STPG4: variants seen among roughly 807,000 people sequenced by gnomAD.
The protein encoded by STPG4 is sperm-tail PG-rich repeat containing 4, also known as protein STPG4.
STPG4 carries 41 observed loss-of-function variants against 31.5 expected under a neutral mutation model. That is an observed-to-expected ratio of 1.30 (90% CI 1.01 to 1.69). STPG4 has a LOEUF of 1.69. Among genes scored for constraint, STPG4 ranks in the 40% most tolerant of loss-of-function variants. The pLI is 0.00. For missense variants in STPG4, 375 were observed against 293.4 expected, an observed-to-expected ratio of 1.28 and a Z score of -2.03; for synonymous variants, 141 against 103.0, an observed-to-expected ratio of 1.37 and a Z score of -2.24.
chr2:47,111,015 T>A (rs1298076124), intron 5 of STPG4, among the ~76,000 whole-genome samples: 2 of 152,344 alleles, frequency 1.3e-5, no homozygotes, highest in Admixed American at 6.5e-5. Flanking sequence ...CATATCTTTG[T>A]ATAGGTGAAT....
At chr2:47,113,500 T>C (rs1413707876) in intron 5 of STPG4, among the ~76,000 whole-genome samples, 1 of 151,966 alleles carries the variant, frequency 6.6e-6, no homozygotes, top group African/African-American at 2.4e-5. Flanking sequence ...ATCAAACATA[T>C]TAAAACAACT....
intron 5 of STPG4, among the ~76,000 whole-genome samples, chr2:47,093,304 C>T (rs985212511): frequency 2.6e-5 from 4 of 152,164 alleles, no homozygotes; most frequent in Non-Finnish European, 4.4e-5. Flanking sequence ...CTGATGTATA[C>T]GTGTGACAGA....
intron 3 of STPG4, among the ~76,000 whole-genome samples, chr2:47,134,153 C>A (rs13025451): frequency 0.41 from 62,013 of 151,984 alleles, 14,541 homozygotes; most frequent in East Asian, 0.7. Context: ...ACATGCGTAA[C>A]CTCCATTATC....
chr2:47,143,019 T>C (rs1399205407), intron 3 of STPG4, among the ~76,000 whole-genome samples: 1 of 151,954 alleles, frequency 6.6e-6, no homozygotes, highest in Non-Finnish European at 1.5e-5. Flanking sequence ...TTTGTATTTT[T>C]AGTAGAGATG....
At chr2:47,101,328 T>A (rs1001482405) in intron 5 of STPG4, among the ~76,000 whole-genome samples, 1 of 151,630 alleles carries the variant, frequency 6.6e-6, no homozygotes, top group Non-Finnish European at 1.5e-5. Context: ...AGCCGAGGGT[T>A]GACAGAGAGG....
intron 5 of STPG4, among the ~76,000 whole-genome samples, chr2:47,092,394 G>A (rs1685585494): frequency 6.6e-6 from 1 of 150,756 alleles, no homozygotes; most frequent in Admixed American, 6.6e-5. Context: ...CAGTTGTGGG[G>A]GTGTGTTCCT....
intron 3 of STPG4, among the ~76,000 whole-genome samples, chr2:47,145,286 G>A (rs726117): frequency 0.44 from 66,448 of 151,964 alleles, 15,359 homozygotes; most frequent in East Asian, 0.72. Flanking sequence ...ATACCCACTG[G>A]AATTTGAGAC....
chr2:47,094,397 G>A (rs967887378), intron 5 of STPG4, among the ~76,000 whole-genome samples: 1 of 152,076 alleles, frequency 6.6e-6, no homozygotes, highest in East Asian at 1.9e-4. Context: ...CCTCAGCTCT[G>A]GTACATGATT....
chr2:47,116,265 T>A (rs1219923753), intron 5 of STPG4, among the ~76,000 whole-genome samples: 2 of 152,224 alleles, frequency 1.3e-5, no homozygotes, highest in Non-Finnish European at 2.9e-5. Context: ...TAGGGCTCCC[T>A]GCAGATCTAA....
Position 47,117,344 on chromosome 2 carries a change from G to C in STPG4, c.519+12597C>G, listed in dbSNP as rs192216631. On this transcript the variant is annotated intron_variant, in intron 5 of 6. Transcript: ENST00000445927. ...CCTGCCTCACCCTCCCGAGTAGCTGGGATTAGAGGCATGCACCACCACACC... is the reference window on the plus strand; with the variant it reads ...CCTGCCTCACCCTCCCGAGTAGCTGCGATTAGAGGCATGCACCACCACACC... Among the ~76,000 whole-genome samples the C allele has an allele frequency of 2.1e-3, 322 of 152,194 alleles. 1 individual carries two copies. The highest frequency in any genetic ancestry group is 6.4e-3 in the African/African-American group (264 of 41,502).
intron 5 of STPG4, among the ~76,000 whole-genome samples, chr2:47,120,041 G>A (rs769499031): frequency 6.6e-6 from 1 of 152,088 alleles, no homozygotes; most frequent in Non-Finnish European, 1.5e-5. Flanking sequence ...TTTAAAAATT[G>A]GGGGCCAGGC....
intron 5 of STPG4, among the ~76,000 whole-genome samples, chr2:47,094,687 A>G (rs968592536): frequency 6.6e-6 from 1 of 152,172 alleles, no homozygotes; most frequent in African/African-American, 2.4e-5. Context: ...ATGCCAAACC[A>G]GGCTCTGGTG....
intron 5 of STPG4, among the ~76,000 whole-genome samples, chr2:47,099,948 T>A (rs1266644249): frequency 6.6e-6 from 1 of 152,156 alleles, no homozygotes; most frequent in Non-Finnish European, 1.5e-5. Context: ...AGTTTCTCGC[T>A]GGGTCTTAGC....
At chr2:47,132,393 C>G (rs1686503740) in intron 3 of STPG4, among the ~76,000 whole-genome samples, 2 of 152,180 alleles carry the variant, frequency 1.3e-5, no homozygotes, top group Non-Finnish European at 2.9e-5. Flanking sequence ...GCATCTACCT[C>G]CCAGCACTCG....
intron 5 of STPG4, among the ~76,000 whole-genome samples, chr2:47,119,758 G>A (rs1026485724): frequency 6.6e-6 from 1 of 152,206 alleles, no homozygotes; most frequent in Admixed American, 6.5e-5. Flanking sequence ...GTAGAAAACG[G>A]GAAGGCATTT....
At chr2:47,100,019 T>C (rs1685759092) in intron 5 of STPG4, among the ~76,000 whole-genome samples, 1 of 152,072 alleles carries the variant, frequency 6.6e-6, no homozygotes, top group African/African-American at 2.4e-5. Flanking sequence ...CTCCCACCCC[T>C]TCCATGGGCT....
In STPG4 at chr2:47,127,759, G is replaced by A. The variant is rs192432992; in HGVS notation, c.519+2182C>T. ...TCTCTGTGTCATCTTAAATTTTGTT[G>A]CACTTTGTCAAAACAGCTATTTTGA... On this transcript the variant is annotated intron_variant, in intron 5 of 6. Transcript: ENST00000445927. 2.0e-5 allele frequency among the ~76,000 whole-genome samples: 3 copies of A among 152,096 alleles called. No homozygotes were observed. In the East Asian group the frequency reaches 5.8e-4, roughly 29 times the overall value.
rs1013543606 is a variant in STPG4, at chr2:47,141,279, C to T, written c.399+9979G>A. On this transcript the variant is annotated intron_variant, in intron 3 of 6. Transcript: ENST00000445927. Reference sequence around the variant, plus strand: ...ATATGGAAACATTACTGACTCACTGCTCAGATTTCTTTAAGGTCTGAGAAA... The same window carrying T: ...ATATGGAAACATTACTGACTCACTGTTCAGATTTCTTTAAGGTCTGAGAAA... 2.7e-5 allele frequency among the ~76,000 whole-genome samples: 4 copies of T among 150,654 alleles called. No homozygotes were observed. In the South Asian group the frequency reaches 6.3e-4, roughly 24 times the overall value.
chr2:47,136,498 C>T (rs969796076), intron 3 of STPG4, among the ~76,000 whole-genome samples: 8 of 152,090 alleles, frequency 5.3e-5, no homozygotes, highest in African/African-American at 1.4e-4. Flanking sequence ...TCATTTAGAT[C>T]GTGTACATAT....
Sources: allele counts gnomAD v4.1 joint callset (sites outside exome capture counted in the v4.1 genomes callset), GRCh38; gene constraint gnomAD v4.1.1; transcripts MANE v1.5; gene names NCBI Gene and HGNC (gene_info 2026-07-23, HGNC 2026-07-21).